FGF12: variants seen among roughly 807,000 people sequenced by gnomAD.
FGF12 encodes the protein fibroblast growth factor 12, also known as fibroblast growth factor 12B.
In FGF12, 14 loss-of-function variants were observed where a neutral mutation model predicts 23.6. That is an observed-to-expected ratio of 0.59 (90% confidence interval 0.39 to 0.93). The LOEUF (loss-of-function observed/expected upper bound fraction) is 0.93. Ranked by LOEUF, FGF12 falls within the 40% of genes least tolerant of loss-of-function variation. The probability of loss-of-function intolerance (pLI) is 0.00; values close to 1 mark genes in which losing one functional copy is unlikely to be tolerated. For synonymous variants in FGF12, 62 were observed against 77.3 expected, an observed-to-expected ratio of 0.80 and a Z score of 1.04; for missense variants, 175 against 217.8, an observed-to-expected ratio of 0.80 and a Z score of 1.24.
intron 2 of FGF12, among the ~76,000 whole-genome samples, chr3:192,686,879 A>G (rs2108714727): frequency 9.0e-6 from 1 of 111,046 alleles, no homozygotes; most frequent in South Asian, 3.2e-4. Context: ...CACAGGCTGG[A>G]GTGCAGTGGT....
intron 2 of FGF12, among the ~76,000 whole-genome samples, chr3:192,385,645 A>G (rs1223312109): frequency 2.7e-5 from 3 of 112,076 alleles, no homozygotes; most frequent in Non-Finnish European, 3.8e-5. Context: ...AGGGATTCAC[A>G]TATAAACCAT....
chr3:192,208,188 A>AT, intron 4 of FGF12, among the ~76,000 whole-genome samples: 1 of 152,188 alleles, frequency 6.6e-6, no homozygotes, highest in Non-Finnish European at 1.5e-5. Flanking sequence ...TGAAGTTATC[A>AT]TTTTTCAATG....
At chr3:192,482,150 T>C (rs561585923) in intron 2 of FGF12, among the ~76,000 whole-genome samples, 12 of 152,312 alleles carry the variant, frequency 7.9e-5, no homozygotes, top group South Asian at 2.1e-4. Flanking sequence ...AGTTTGAGTT[T>C]TGAACCTCAA....
At position 192,143,139 on chromosome 3, in the gene FGF12, A is replaced by G. The variant is rs1713496705; in HGVS notation, c.*870T>C. On this transcript the variant is annotated 3_prime_UTR_variant, in exon 6 of 6. Transcript: ENST00000445105. ...AAAATCAGACCAAATGCTAAGAGCA[A>G]GTAACTTATACCTCACCACCTGGAC... 6.6e-6 allele frequency: 1 copy of G among 151,994 alleles called. No individual in the cohort carries two copies. Among genetic ancestry groups the G allele is most frequent in the Admixed American group, 6.6e-5 (1 of 15,246 alleles). The allele number at this position is 151,994 out of a possible 1,614,324, so 9.4% of individuals were successfully genotyped here. A position where few individuals can be genotyped will look rare whatever the true frequency, so the allele number is the denominator to read the frequency against.
rs539141983 is a variant in FGF12, at chr3:192,243,383, T to C, written c.229-72727A>G. On this transcript the variant is annotated intron_variant, in intron 4 of 5. Coordinates refer to ENST00000445105, the MANE Select transcript of FGF12 (RefSeq NM_004113.6). ...ATTAAATCAGTGTGTTATTGGCACATGAATAAACAGTCATAAAATTGGAAC... is the reference window on the plus strand; with the variant it reads ...ATTAAATCAGTGTGTTATTGGCACACGAATAAACAGTCATAAAATTGGAAC... Among the ~76,000 whole-genome samples the C allele has an allele frequency of 2.0e-5, 3 of 152,086 alleles. No individual in the cohort carries two copies. In the South Asian group the frequency reaches 6.2e-4, roughly 32 times the overall value.
At chr3:192,158,293 AC>A (rs1714548315) in intron 5 of FGF12, among the ~76,000 whole-genome samples, 1 of 146,156 alleles carries the variant, frequency 6.8e-6, no homozygotes, top group Non-Finnish European at 1.5e-5. Flanking sequence ...CAGGAAATAG[AC>A]CTGCCTGCTT....
chr3:192,660,842 T>C (rs149856227), intron 2 of FGF12, among the ~76,000 whole-genome samples: 9 of 143,762 alleles, frequency 6.3e-5, no homozygotes, highest in Non-Finnish European at 1.0e-4. Flanking sequence ...TTTTGGAAAT[T>C]CCAGGGTTGG....
intron 4 of FGF12, among the ~76,000 whole-genome samples, chr3:192,327,198 T>C (rs1270079936): frequency 4.6e-5 from 7 of 152,142 alleles, no homozygotes; most frequent in African/African-American, 1.7e-4. Flanking sequence ...TAAATACAAA[T>C]CTAAAAGTCC....
chr3:192,323,332 T>C (rs887620243), intron 4 of FGF12, among the ~76,000 whole-genome samples: 4 of 152,300 alleles, frequency 2.6e-5, no homozygotes, highest in Admixed American at 6.5e-5. Flanking sequence ...AACCGATGAA[T>C]AGATAAAGAA....
intron 4 of FGF12, among the ~76,000 whole-genome samples, chr3:192,187,685 G>A (rs1368064726): frequency 6.6e-6 from 1 of 152,164 alleles, no homozygotes; most frequent in Non-Finnish European, 1.5e-5. Flanking sequence ...TGAAGAGGCT[G>A]CTTTGGATTG....
At chr3:192,685,054 A>G (rs1014852827) in intron 2 of FGF12, among the ~76,000 whole-genome samples, 1 of 152,034 alleles carries the variant, frequency 6.6e-6, no homozygotes, top group Admixed American at 6.5e-5. Context: ...TTACAAAGTT[A>G]GTATCTTTTT....
intron 4 of FGF12, among the ~76,000 whole-genome samples, chr3:192,187,936 A>G (rs1716566891): frequency 6.6e-6 from 1 of 152,200 alleles, no homozygotes; most frequent in African/African-American, 2.4e-5. Context: ...AAACAGTAGC[A>G]GATCTATGTA....
At chr3:192,684,641 C>G (rs1466319312) in intron 2 of FGF12, among the ~76,000 whole-genome samples, 1 of 152,160 alleles carries the variant, frequency 6.6e-6, no homozygotes, top group East Asian at 1.9e-4. Context: ...AGCAGTCTCT[C>G]TTTTCAGTGA....
rs560901946 is a variant in FGF12, at chr3:192,188,959, A to C, written c.229-18303T>G. 2.0e-5 allele frequency among the ~76,000 whole-genome samples: 3 copies of C among 152,336 alleles called. No homozygotes were observed. The East Asian group carries it at 5.8e-4, about 29-fold the overall frequency. The stretch of plus-strand genomic sequence containing the variant: ...TGAAAAAGTCTGAAGTTCAGGTAAC[A>C]CTTCATCTTCATTCCTCTGTCTAAG... On this transcript the variant is annotated intron_variant, in intron 4 of 5. Transcript: ENST00000445105.
intron 2 of FGF12, among the ~76,000 whole-genome samples, chr3:192,441,783 G>A (rs1015683459): frequency 5.3e-5 from 8 of 152,248 alleles, no homozygotes; most frequent in Admixed American, 3.3e-4. Flanking sequence ...GAGCAGATAC[G>A]GAAAGGTACC....
chr3:192,187,775 T>C (rs888720866), intron 4 of FGF12, among the ~76,000 whole-genome samples: 8 of 129,360 alleles, frequency 6.2e-5, no homozygotes, highest in South Asian at 2.5e-4. Context: ...ATAGAACAGA[T>C]GGAAAGAAAA....
At chr3:192,312,766 G>T (rs1017106629) in intron 4 of FGF12, among the ~76,000 whole-genome samples, 3 of 149,834 alleles carry the variant, frequency 2.0e-5, no homozygotes, top group Non-Finnish European at 3.0e-5. Flanking sequence ...AAAAAATTAT[G>T]CCAAGACACA....
At chr3:192,244,529 C>T (rs1041715883) in intron 4 of FGF12, among the ~76,000 whole-genome samples, 1 of 152,026 alleles carries the variant, frequency 6.6e-6, no homozygotes, top group Non-Finnish European at 1.5e-5. Flanking sequence ...ATAATAATAA[C>T]TCCAGCTGAC....
At chr3:192,324,994 C>A (rs1170291813) in intron 4 of FGF12, among the ~76,000 whole-genome samples, 2 of 151,922 alleles carry the variant, frequency 1.3e-5, no homozygotes, top group African/African-American at 4.8e-5. Context: ...GAAAAAAAAC[C>A]AACACTATTT....
Sources: allele counts gnomAD v4.1 joint callset (sites outside exome capture counted in the v4.1 genomes callset), GRCh38; gene constraint gnomAD v4.1.1; transcripts MANE v1.5; gene names NCBI Gene and HGNC (gene_info 2026-07-23, HGNC 2026-07-21).